The following PALD1 variants were observed in gnomAD, a reference collection of about 807,000 sequenced individuals.
The protein encoded by PALD1 is phosphatase domain containing paladin 1, also known as paladin.
PALD1 carries 57 observed loss-of-function variants against 96.0 expected under a neutral mutation model. The ratio of observed to expected loss-of-function variants is 0.59; its 90% CI spans 0.48 to 0.74. PALD1 has a LOEUF of 0.74. PALD1 is among the 30% of genes least tolerant of loss of function. The pLI, the probability that PALD1 is intolerant of heterozygous loss-of-function variation, is 0.00. For synonymous variants in PALD1, 464 were observed against 473.6 expected (o/e 0.98, Z 0.26); for missense variants, 1,063 against 1,143.7 (o/e 0.93, Z 1.02).
intron 1 of PALD1, among the ~76,000 whole-genome samples, chr10:70,495,577 G>A (rs1846181023): frequency 6.6e-6 from 1 of 152,140 alleles, no homozygotes; most frequent in Non-Finnish European, 1.5e-5. Flanking sequence ...TGTTTGTGTT[G>A]TCCTGTTAAG....
chr10:70,539,864 C>T lies in PALD1; in HGVS notation c.1908+102C>T. 6.7e-6 allele frequency: 7 copies of T among 1,046,636 alleles called. No homozygotes were observed. Among genetic ancestry groups the T allele is most frequent in the Non-Finnish European group, 8.3e-6 (6 of 720,696 alleles). 64.8% of individuals were successfully genotyped at this position (1,046,636 alleles called of 1,614,324 possible). On this transcript the variant is annotated intron_variant, in intron 15 of 19. Coordinates refer to ENST00000263563, the MANE Select transcript of PALD1 (RefSeq NM_014431.3). This position sits in a 1 kb window ranked among gnomAD's most constrained non-coding sequence, Gnocchi z 4.5. The stretch of plus-strand genomic sequence containing the variant: ...GGAGAATGAAACGACCCCAGCTTCT[C>T]TACGGGGCCCGGGAATGGTCTCACG...
At chr10:70,555,798 G>A (rs920732299) in intron 18 of PALD1, among the ~76,000 whole-genome samples, 1 of 152,132 alleles carries the variant, frequency 6.6e-6, no homozygotes, top group African/African-American at 2.4e-5. Flanking sequence ...TCAGGAGATC[G>A]AGACCATCCT....
At chr10:70,525,790 G>C (rs1174121188) in intron 1 of PALD1, 133 bp from the exon 2 acceptor site, 4 of 691,284 alleles carry the variant, frequency 5.8e-6, no homozygotes. Context: ...CGGTGTAGGA[G>C]GCAAGCCTGC....
chr10:70,514,127 G>T (rs7906794), intron 1 of PALD1, among the ~76,000 whole-genome samples: 1 of 152,310 alleles, frequency 6.6e-6, no homozygotes, highest in Admixed American at 6.5e-5. Flanking sequence ...TCTGCGGGCC[G>T]TCCGGTCATT....
In PALD1 at chr10:70,499,455, C is replaced by A. The variant is rs1027979450; in HGVS notation, c.-30+20396C>A. 3.4e-4 allele frequency among the ~76,000 whole-genome samples: 51 copies of A among 152,194 alleles called. 1 individual carries two copies. Among genetic ancestry groups the A allele is most frequent in the Non-Finnish European group, 1.5e-5 (1 of 68,040 alleles). ...GTCTGCAGGGAGGTGGGCCTCAGAG[C>A]CCGCAGTGTGAGGCTGGCAGGGGCG... On this transcript the variant is annotated intron_variant, in intron 1 of 19. Coordinates refer to ENST00000263563, the MANE Select transcript of PALD1 (RefSeq NM_014431.3).
upstream of PALD1, among the ~76,000 whole-genome samples, chr10:70,474,841 A>G (rs1389705172): frequency 6.6e-6 from 1 of 152,200 alleles, no homozygotes; most frequent in Non-Finnish European, 1.5e-5. Flanking sequence ...GGGGATGCTC[A>G]GGTCCCAGGG....
chr10:70,563,399 C>T (rs1847780097), intron 18 of PALD1, among the ~76,000 whole-genome samples: 1 of 152,236 alleles, frequency 6.6e-6, no homozygotes. Context: ...CACTCCCACA[C>T]TCTCTGGGAA....
intron 10 of PALD1, among the ~76,000 whole-genome samples, chr10:70,536,596 TG>T (rs1847120684): frequency 6.6e-6 from 1 of 152,228 alleles, no homozygotes; most frequent in Admixed American, 6.5e-5. Flanking sequence ...AATGTGTTAC[TG>T]GAACACAGTC....
rs138666185 is a variant in PALD1, at chr10:70,564,457, G to T, written c.2356G>T (p.Ala786Ser). The T allele has an allele frequency of 1.2e-6, 2 of 1,614,020 alleles. No individual in the cohort carries two copies. Among genetic ancestry groups the T allele is most frequent in the South Asian group, 1.1e-5 (1 of 91,094 alleles). ...CTATGTCTGCCTGATTCTCTTCAAC[G>T]CGTACCTCCACCTGGAGAAGGCCGA... ...ERYVCLILFN[A>S]YLHLEKADSW... Residue 786 changes from alanine (A) to serine (S), a missense_variant, in exon 19 of 20, where the codon GCG becomes TCG. Transcript: ENST00000263563.
chr10:70,488,550 T>C (rs1846048652), intron 1 of PALD1, among the ~76,000 whole-genome samples: 1 of 152,192 alleles, frequency 6.6e-6, no homozygotes, highest in African/African-American at 2.4e-5. Context: ...GAGTATCCTT[T>C]GGTCTTTTTT....
intron 1 of PALD1, among the ~76,000 whole-genome samples, chr10:70,510,355 A>G (rs907883056): frequency 3.3e-5 from 5 of 152,154 alleles, no homozygotes; most frequent in Admixed American, 6.5e-5. Context: ...AGGGCAGAGC[A>G]CTGGGTGAGG....
At chr10:70,470,323 T>C in the PALD1 span, among the ~76,000 whole-genome samples, 1 of 152,100 alleles carries the variant, frequency 6.6e-6, no homozygotes, top group African/African-American at 2.4e-5. Flanking sequence ...ATGTTCCAAA[T>C]TAAAATGACA....
chr10:70,508,595 G>A (rs1037578694), intron 1 of PALD1, among the ~76,000 whole-genome samples: 2 of 152,204 alleles, frequency 1.3e-5, no homozygotes, highest in African/African-American at 4.8e-5. Context: ...AGAGAGTGAG[G>A]AGCAGGAGAA....
chr10:70,532,352 A>G (rs1000275394), intron 5 of PALD1, among the ~76,000 whole-genome samples: 2 of 151,766 alleles, frequency 1.3e-5, no homozygotes, highest in Non-Finnish European at 2.9e-5. Flanking sequence ...AGCTGACCAC[A>G]CCTCCCCCGT....
At chr10:70,545,165 GA>G (rs1486927065) in intron 17 of PALD1, among the ~76,000 whole-genome samples, 1 of 148,946 alleles carries the variant, frequency 6.7e-6, no homozygotes, top group Non-Finnish European at 1.5e-5. Context: ...GCGCTGTGGG[GA>G]CCTTGCAGGG....
Position 70,541,389 on chromosome 10 carries a change from C to T in PALD1, c.2050-74C>T, listed in dbSNP as rs549841404. 7.0e-4 allele frequency: 1,078 copies of T among 1,536,330 alleles called. 3 individuals carry two copies. The highest frequency in any genetic ancestry group is 4.4e-3 in the Middle Eastern group (25 of 5,658). ...AGCCCCTTCCATCAGTCTTGGGCAG[C>T]CCCCAAGTCCTCCCCAGCAAGGGGC... On this transcript the variant is annotated intron_variant, in intron 16 of 19. Transcript: ENST00000263563.
Position 70,566,846 on chromosome 10 carries a change from C to T in PALD1, c.*113C>T. On this transcript the variant is annotated 3_prime_UTR_variant, in exon 20 of 20. Coordinates refer to ENST00000263563, the MANE Select transcript of PALD1 (RefSeq NM_014431.3). ...GGTGCTGGCCTTGAAATGATTCCCC[C>T]ACTTCCTGGAGAGACTGAGCGGAGT... is the stretch of plus-strand genomic sequence containing the variant. 4.5e-6 allele frequency: 3 copies of T among 667,036 alleles called. No homozygotes were observed. The highest frequency in any genetic ancestry group is 2.8e-5 in the East Asian group (1 of 35,544). The allele number at this position is 667,036 out of a possible 1,614,324, so 41.3% of individuals were successfully genotyped here.
chr10:70,511,410 C>G lies in PALD1; in HGVS notation c.-29-14513C>G, dbSNP rs187890146. ...GGCTGTGAAACTTAAGTCATCATAT[C>G]TGTGTCCAGGCAGCAGGATCGAGAC... On this transcript the variant is annotated intron_variant, in intron 1 of 19. Coordinates refer to ENST00000263563, the MANE Select transcript of PALD1 (RefSeq NM_014431.3). Among the ~76,000 whole-genome samples, 487 of 152,284 alleles carry G rather than the reference C, an allele frequency of 3.2e-3. 3 individuals are homozygous for G. The highest frequency in any genetic ancestry group is 5.5e-3 in the Non-Finnish European group (377 of 68,034).
intron 18 of PALD1, among the ~76,000 whole-genome samples, chr10:70,554,162 C>T (rs549885400): frequency 7.9e-5 from 12 of 152,356 alleles, no homozygotes; most frequent in African/African-American, 2.9e-4. Context: ...TGCACTCTGG[C>T]TCATGCCTGT....
Sources: allele counts gnomAD v4.1 joint callset (sites outside exome capture counted in the v4.1 genomes callset), GRCh38; gene constraint gnomAD v4.1.1; non-coding constraint Gnocchi (gnomAD v3.1); transcripts MANE v1.5; gene names NCBI Gene and HGNC (gene_info 2026-07-23, HGNC 2026-07-21).